The following MYO9B variants were observed in gnomAD, a reference collection of about 807,000 sequenced individuals.
The protein encoded by MYO9B is myosin IXB.
In MYO9B, 71 loss-of-function variants were observed where a neutral mutation model predicts 229.5. That is an observed-to-expected ratio of 0.31 (90% CI 0.26 to 0.38). The LOEUF (loss-of-function observed/expected upper bound fraction) is 0.38. Ranked by LOEUF, MYO9B falls within the 10% of genes least tolerant of loss-of-function variation. MYO9B has a pLI of 1.00. For synonymous variants in MYO9B, 1,185 were observed against 1,235.8 expected (o/e 0.96, Z 0.86); for missense variants, 2,255 against 2,920.5 (o/e 0.77, Z 5.25).
intron 2 of MYO9B, among the ~76,000 whole-genome samples, chr19:17,136,066 G>A (rs908904942): frequency 3.0e-5 from 4 of 134,626 alleles, no homozygotes; most frequent in Non-Finnish European, 6.1e-5. Context: ...TCTGCTCATA[G>A]TTAAGCAGGG....
intron 24 of MYO9B, among the ~76,000 whole-genome samples, 158 bp from the exon 25 acceptor site, chr19:17,200,135 A>G (rs763762360): frequency 1.3e-5 from 2 of 152,126 alleles, no homozygotes; most frequent in Non-Finnish European, 2.9e-5. Flanking sequence ...GATCTCCCAA[A>G]GTGCTGGGAT....
At chr19:17,084,499 G>A (rs2057563429) in intron 1 of MYO9B, among the ~76,000 whole-genome samples, 1 of 151,968 alleles carries the variant, frequency 6.6e-6, no homozygotes, top group Non-Finnish European at 1.5e-5. Context: ...GAGCACCACG[G>A]GGTGTGGACC....
intron 19 of MYO9B, among the ~76,000 whole-genome samples, chr19:17,190,094 G>A (rs191984961): frequency 5.3e-5 from 8 of 151,098 alleles, no homozygotes; most frequent in Non-Finnish European, 4.4e-5. Context: ...ATTACAGACT[G>A]TTGACCTGGC....
rs114618258 is a variant in MYO9B, at chr19:17,180,791, G to T, written c.2220-136G>T. On this transcript the variant is annotated intron_variant, in intron 14 of 39. Transcript: ENST00000682292. ...AGAGAGGGGCAGCATTGAGCACAGT[G>T]TCTTTCCCCCAGCTGCATGTTTTGG... The T allele has an allele frequency of 1.2e-3, 695 of 599,064 alleles. 6 individuals carry two copies. The African/African-American group carries it at 0.012, about 10-fold the overall frequency. The allele number at this position is 599,064 out of a possible 1,614,324, so 37.1% of individuals were successfully genotyped here. A position where few individuals can be genotyped will look rare whatever the true frequency, so the allele number is the denominator to read the frequency against.
chr19:17,088,198 G>C (rs2057601934), intron 1 of MYO9B, among the ~76,000 whole-genome samples: 1 of 152,230 alleles, frequency 6.6e-6, no homozygotes, highest in Non-Finnish European at 1.5e-5. Context: ...TCCATGGCCT[G>C]TGGCCACATC....
At chr19:17,197,986 G>A (rs2073064944) in intron 23 of MYO9B, 128 bp downstream of exon 23, 2 of 1,381,220 alleles carry the variant, frequency 1.4e-6, no homozygotes, top group African/African-American at 1.4e-5. Flanking sequence ...CGCAGTGGCA[G>A]GGTAGAGGTT....
chr19:17,126,629 A>G (rs969670910), intron 2 of MYO9B, among the ~76,000 whole-genome samples: 1 of 151,442 alleles, frequency 6.6e-6, no homozygotes, highest in Non-Finnish European at 1.5e-5. Context: ...ATTTCACATC[A>G]ATTTCAGCCA....
chr19:17,111,043 C>G (rs963302026), intron 2 of MYO9B, among the ~76,000 whole-genome samples: 1 of 152,190 alleles, frequency 6.6e-6, no homozygotes, highest in African/African-American at 2.4e-5. Context: ...GGTAGGTCAC[C>G]TAGACCACAG....
chr19:17,119,312 A>G (rs1368811389), intron 2 of MYO9B, among the ~76,000 whole-genome samples: 1 of 152,168 alleles, frequency 6.6e-6, no homozygotes, highest in East Asian at 1.9e-4. Flanking sequence ...ACGGGCAAGC[A>G]TGGGGTGTGG....
chr19:17,150,272 G>A (rs1010889073), intron 3 of MYO9B, among the ~76,000 whole-genome samples: 4 of 152,168 alleles, frequency 2.6e-5, no homozygotes, highest in Admixed American at 6.5e-5. Context: ...GCCAGGTGTG[G>A]TGGCTCATGC....
Position 17,212,175 on chromosome 19 carries a change from G to A in MYO9B, c.6339G>A (p.Thr2113=), listed in dbSNP as rs755940808. The A allele has an allele frequency of 6.2e-5, 98 of 1,579,746 alleles. No individual in the cohort carries two copies. Among genetic ancestry groups the A allele is most frequent in the Middle Eastern group, 1.7e-4 (1 of 6,042 alleles). ...ACCAGATACATTCCGTGTACATCAC[G>A]CCCGGGGCAGACCTGCCAGTGCAGG... The part of the protein sequence containing the change: ...RPDQIHSVYI[T]PGADLPVQGA... The change falls in exon 40 of 40, where the codon ACG becomes ACA. Residue 2113 remains threonine (T), a synonymous_variant. Coordinates refer to ENST00000682292, the MANE Select transcript of MYO9B (RefSeq NM_004145.4). This position sits in a 1 kb window ranked among gnomAD's most constrained non-coding sequence, Gnocchi z 5.4.
rs558384568 is a variant in MYO9B, at chr19:17,097,381, G to GTAAAAATAAAAA, written c.-58-4262_-58-4251dup. ...TGTTGCTCAAGCTGTATCTTAGATA[G>GTAAAAATAAAAA]TAAAAATAAAAATAAAAATAAAAAT... On this transcript the variant is annotated intron_variant, in intron 1 of 39. Transcript: ENST00000682292. 2.0e-5 allele frequency among the ~76,000 whole-genome samples: 3 copies of GTAAAAATAAAAA among 150,012 alleles called. No individual in the cohort carries two copies. In the South Asian group the frequency reaches 6.3e-4, roughly 31 times the overall value.
At chr19:17,080,810 A>G (rs536714293) in intron 1 of MYO9B, among the ~76,000 whole-genome samples, 6 of 152,180 alleles carry the variant, frequency 3.9e-5, no homozygotes, top group Admixed American at 2.6e-4. Context: ...TTGAGGCTAC[A>G]GTGAGCTATG....
chr19:17,096,329 A>G (rs1023636440), intron 1 of MYO9B, among the ~76,000 whole-genome samples: 2 of 152,110 alleles, frequency 1.3e-5, no homozygotes, highest in Non-Finnish European at 2.9e-5. Context: ...GTCACGTGCT[A>G]GGTATGTGTT....
In MYO9B at chr19:17,191,220, G is replaced by T; in HGVS notation, c.2811+1G>T. On this transcript the variant is annotated splice_donor_variant, in intron 20 of 39. Coordinates refer to ENST00000682292, the MANE Select transcript of MYO9B (RefSeq NM_004145.4). LOFTEE classifies it high-confidence loss of function. ...GAACTACCAGATCGGGAAGACCAAG[G>T]TCAGCGCTCCTGCCCCTCGGGGCAC... The T allele has an allele frequency of 6.2e-7, 1 of 1,611,058 alleles. No individual in the cohort carries two copies. The highest frequency in any genetic ancestry group is 1.1e-5 in the South Asian group (1 of 90,610).
At chr19:17,156,804 G>A (rs1454068878) in intron 6 of MYO9B, 105 bp from the exon 7 acceptor site, 14 of 1,356,860 alleles carry the variant, frequency 1.0e-5, no homozygotes, top group African/African-American at 4.4e-5. Flanking sequence ...CATGCGTTCC[G>A]ACCAGAATTT....
At chr19:17,210,673 C>T (rs1178046309) in intron 37 of MYO9B, 42 bp from the exon 38 acceptor site, 1 of 1,495,960 alleles carries the variant, frequency 6.7e-7, no homozygotes. Flanking sequence ...TAACCTCGCC[C>T]ACTCAGAGAT....
At chr19:17,103,289 G>C (rs1307624795) in intron 2 of MYO9B, 1 of 152,194 alleles carries the variant, frequency 6.6e-6, no homozygotes, top group Non-Finnish European at 1.5e-5. Context: ...GGATGCAACT[G>C]CCTCTTGGAA....
At chr19:17,167,054 C>T (rs1371803114) in intron 10 of MYO9B, among the ~76,000 whole-genome samples, 1 of 145,438 alleles carries the variant, frequency 6.9e-6, no homozygotes, top group East Asian at 1.9e-4. Flanking sequence ...AGAAGTGTCT[C>T]AGGTTTGGGA....
Sources: gnomAD v4.1 joint callset for allele counts (sites outside exome capture counted in the v4.1 genomes callset) on GRCh38, gnomAD v4.1.1 for gene constraint, Gnocchi (gnomAD v3.1) non-coding constraint, MANE v1.5 for transcripts, NCBI Gene and HGNC (gene_info 2026-07-23, HGNC 2026-07-21) for gene names.